The following AOC2 variants were observed in gnomAD, a reference collection of about 807,000 sequenced individuals.
The protein encoded by AOC2 is amine oxidase copper containing 2.
In AOC2, 57 loss-of-function variants were observed where a neutral mutation model predicts 53.8. That is an observed-to-expected ratio of 1.06 (90% confidence interval 0.86 to 1.32). AOC2 has a LOEUF of 1.32. AOC2 is among the 40% of genes most tolerant of loss of function. The pLI, the probability that AOC2 is intolerant of heterozygous loss-of-function variation, is 0.00. For missense variants in AOC2, 1,008 were observed against 957.2 expected, an observed-to-expected ratio of 1.05 and a Z score of -0.70; for synonymous variants, 404 against 399.0, an observed-to-expected ratio of 1.01 and a Z score of -0.15.
At chr17:42,846,739 G>T (rs1220119427) in intron 1 of AOC2, among the ~76,000 whole-genome samples, 3 of 152,140 alleles carry the variant, frequency 2.0e-5, no homozygotes, top group Admixed American at 2.0e-4. Context: ...TCATCGGGAG[G>T]GCCATCCCAT....
rs143262935 is a variant in AOC2 at position 42,849,238 on chromosome 17, C to T, written c.1741C>T (p.Arg581Cys). The change falls in exon 2 of 4, where the codon CGC (arginine) becomes TGC (cysteine). Residue 581 changes from arginine (R) to cysteine (C), a missense_variant. Coordinates refer to ENST00000253799, the MANE Select transcript of AOC2 (RefSeq NM_009590.4). ...TAFSLGSPLPRYLYLASNQTN... is the reference protein window; with the variant it reads ...TAFSLGSPLPCYLYLASNQTN... ...TTTTTCCTTGGGAAGCCCCCTACCC[C>T]GCTACCTCTACCTGGCTAGCAACCA... The T allele has an allele frequency of 2.7e-5, 43 of 1,614,218 alleles. No homozygotes were observed. In the South Asian group the frequency reaches 3.4e-4, roughly 13 times the overall value.
Position 42,850,330 on chromosome 17 carries a change from C to T in AOC2, c.2253C>T (p.Phe751=), listed in dbSNP as rs2055643937. ...CCTGTGTCCCGGACTTACCCCCTTT[C>T]TCTTACCACGGCTTCTAGTCCTGAG... The part of the protein sequence containing the change: ...LAACVPDLPP[F]SYHGF The change falls in exon 4 of 4, where the codon TTC becomes TTT. Residue 751 remains phenylalanine, a synonymous_variant. Transcript: ENST00000253799. 1 of 1,601,142 alleles carries T rather than the reference C, an allele frequency of 6.2e-7. No individual in the cohort carries two copies. The highest frequency in any genetic ancestry group is 8.6e-7 in the Non-Finnish European group (1 of 1,169,552).
intron 1 of AOC2, among the ~76,000 whole-genome samples, chr17:42,847,782 CTT>C (rs1213018759): frequency 2.0e-4 from 28 of 140,612 alleles, no homozygotes; most frequent in Non-Finnish European, 1.9e-4. Context: ...CCACGCCCAG[CTT>C]TTTTTTTTTT....
At position 42,845,836 on chromosome 17, in the gene AOC2, A is replaced by T; in HGVS notation, c.1210A>T (p.Met404Leu). Residue 404 changes from methionine to leucine, a missense_variant, in exon 1 of 4, where the codon ATG becomes TTG. Physicochemically the swap from Met to Leu is conservative, Grantham distance 15 (BLOSUM62 2). Coordinates refer to ENST00000253799, the MANE Select transcript of AOC2 (RefSeq NM_009590.4). ...AGTGGACTGCCCCTATCAAGCCACG[A>T]TGGTGGACATCCATATATTAGTGGG... The part of the protein sequence containing the change: ...RGVDCPYQAT[M>L]VDIHILVGKG... The T allele has an allele frequency of 1.2e-6, 2 of 1,614,118 alleles. No individual in the cohort carries two copies. Among genetic ancestry groups the T allele is most frequent in the South Asian group, 2.2e-5 (2 of 91,082 alleles).
Position 42,850,298 on chromosome 17 carries a change from C to T in AOC2, c.2221C>T (p.Leu741=). Residue 741 remains leucine (L), a synonymous_variant, in exon 4 of 4, where the codon CTG becomes TTG. Transcript: ENST00000253799. ...SINPVACLPD[L]AACVPDLPPF... ...CAATCCTGTGGCCTGCCTCCCCGAC[C>T]TGGCAGCCTGTGTCCCGGACTTACC... is the stretch of plus-strand genomic sequence containing the variant. 1.9e-6 allele frequency: 3 copies of T among 1,613,518 alleles called. No individual in the cohort carries two copies. The highest frequency in any genetic ancestry group is 2.5e-6 in the Non-Finnish European group (3 of 1,179,458).
intron 1 of AOC2, among the ~76,000 whole-genome samples, chr17:42,848,555 A>ATATATATG (rs2055618074): frequency 7.0e-6 from 1 of 142,002 alleles, no homozygotes; most frequent in African/African-American, 2.8e-5. Flanking sequence ...ACATATATAT[A>ATATATATG]TATATATATA....
rs1488012161 is a variant in AOC2 at position 42,845,006 on chromosome 17, G to A, written c.380G>A (p.Gly127Asp). The A allele has an allele frequency of 1.2e-6, 2 of 1,612,956 alleles. No homozygotes were observed. The highest frequency in any genetic ancestry group is 2.7e-5 in the African/African-American group (2 of 75,042). ...GAGGCACTGGCCATCGTCCTCTTTGGTGGACAACCCCAACCCAATGTGAGT... is the reference window on the plus strand; with the variant it reads ...GAGGCACTGGCCATCGTCCTCTTTGATGGACAACCCCAACCCAATGTGAGT... ...AREALAIVLFGGQPQPNVSEL... is the reference protein window; with the variant it reads ...AREALAIVLFDGQPQPNVSEL... Residue 127 changes from glycine to aspartate, a missense_variant, in exon 1 of 4, where the codon GGT becomes GAT. Transcript: ENST00000253799.
In AOC2 at chr17:42,849,155, A is replaced by G; in HGVS notation, c.1658A>G (p.His553Arg). 1 of 1,614,168 alleles carries G rather than the reference A, an allele frequency of 6.2e-7. No homozygotes were observed. Among genetic ancestry groups the G allele is most frequent in the Admixed American group, 1.7e-5 (1 of 60,018 alleles). ...KPVAAPWNPEHWLQRPQLTRQ... is the reference protein window; with the variant it reads ...KPVAAPWNPERWLQRPQLTRQ... The stretch of plus-strand genomic sequence containing the variant: ...GTGGCTGCCCCCTGGAACCCGGAGC[A>G]CTGGCTACAGCGCCCACAGCTGACT... The change falls in exon 2 of 4, where the codon CAC becomes CGC. Residue 553 changes from histidine to arginine, a missense_variant. Transcript: ENST00000253799.
chr17:42,845,791 A>G lies in AOC2; in HGVS notation c.1165A>G (p.Ser389Gly), dbSNP rs1470106457. The part of the protein sequence containing the change: ...LDSSFGLGRN[S>G]RGLVRGVDCP... ...TAGCAGCTTTGGACTCGGCCGTAAC[A>G]GCCGAGGCTTGGTGCGGGGAGTGGA... The change falls in exon 1 of 4, where the codon AGC (serine) becomes GGC (glycine). Residue 389 changes from serine to glycine, a missense_variant. Transcript: ENST00000253799. 8.1e-6 allele frequency: 13 copies of G among 1,614,062 alleles called. No individual in the cohort carries two copies. The highest frequency in any genetic ancestry group is 1.1e-5 in the Non-Finnish European group (13 of 1,180,044).
Position 42,844,671 on chromosome 17 carries a change from T to G in AOC2, c.45T>G (p.Ile15Met), listed in dbSNP as rs1567684238. 1 of 1,614,136 alleles carries G rather than the reference T, an allele frequency of 6.2e-7. No homozygotes were observed. The highest frequency in any genetic ancestry group is 8.5e-7 in the Non-Finnish European group (1 of 1,179,984). Residue 15 changes from isoleucine to methionine, a missense_variant, in exon 1 of 4, where the codon ATT becomes ATG. Coordinates refer to ENST00000253799, the MANE Select transcript of AOC2 (RefSeq NM_009590.4). ...IVLAFLALSL[I>M]TIFALAYVLL... is the part of the protein sequence containing the mutation. ...TGGCGTTCCTGGCACTGTCCCTCAT[T>G]ACCATCTTTGCCCTGGCCTATGTTT...
Position 42,849,219 on chromosome 17 carries a change from C to T in AOC2, c.1722C>T (p.Ser574=). ...GAAAGGAGGACCTGACAGCTTTTTC[C>T]TTGGGAAGCCCCCTACCCCGCTACC... ...VLGKEDLTAF[S]LGSPLPRYLY... is the part of the protein sequence containing the mutation. Residue 574 remains serine (S), a synonymous_variant, in exon 2 of 4, where the codon TCC becomes TCT. Coordinates refer to ENST00000253799, the MANE Select transcript of AOC2 (RefSeq NM_009590.4). 1 of 1,614,170 alleles carries T rather than the reference C, an allele frequency of 6.2e-7. No homozygotes were observed. The highest frequency in any genetic ancestry group is 8.5e-7 in the Non-Finnish European group (1 of 1,180,014).
chr17:42,849,824 T>G (rs903093753), intron 3 of AOC2, 94 bp downstream of exon 3: 7 of 1,563,300 alleles, frequency 4.5e-6, no homozygotes, highest in Non-Finnish European at 6.1e-6. Flanking sequence ...AATGGCTGAT[T>G]TCCAGTTCGC....
chr17:42,850,103 GCC>G lies in AOC2; in HGVS notation c.2027_2028del (p.Ala676GlufsTer29), dbSNP rs1172506883. ...LGEDLVAWVT[A>X]SFLHIPHAED... Reference sequence around the variant, plus strand: ...GCAGGATCTGGTGGCTTGGGTCACAGCCAGCTTCCTGCACATTCCCCATGCCG... The same window carrying G: ...GCAGGATCTGGTGGCTTGGGTCACAGAGCTTCCTGCACATTCCCCATGCCG... On this transcript the variant is annotated frameshift_variant, in exon 4 of 4. Transcript: ENST00000253799. LOFTEE classifies it high-confidence loss of function. The G allele has an allele frequency of 4.3e-6, 7 of 1,614,066 alleles. No individual in the cohort carries two copies. In the South Asian group the frequency reaches 7.7e-5, roughly 18 times the overall value.
Position 42,845,892 on chromosome 17 carries a change from T to C in AOC2, c.1266T>C (p.Ala422=). ...GKGAVQLLPG[A]VCVFEEAQGL... is the part of the protein sequence containing the mutation. ...GGGCAGTCCAGCTGCTTCCAGGGGCTGTGTGTGTATTTGAGGAAGCCCAGG... is the reference window on the plus strand; with the variant it reads ...GGGCAGTCCAGCTGCTTCCAGGGGCCGTGTGTGTATTTGAGGAAGCCCAGG... The change falls in exon 1 of 4, where the codon GCT becomes GCC. Residue 422 remains alanine, a synonymous_variant. Coordinates refer to ENST00000253799, the MANE Select transcript of AOC2 (RefSeq NM_009590.4). The C allele has an allele frequency of 6.2e-7, 1 of 1,614,048 alleles. No homozygotes were observed. The highest frequency in any genetic ancestry group is 8.5e-7 in the Non-Finnish European group (1 of 1,179,944).
In AOC2 at chr17:42,846,124, G is replaced by A. The variant is rs1293994736; in HGVS notation, c.1498G>A (p.Gly500Ser). 3 of 1,579,598 alleles carry A rather than the reference G, an allele frequency of 1.9e-6. No homozygotes were observed. In the African/African-American group the frequency reaches 4.1e-5, roughly 21 times the overall value. Residue 500 changes from glycine to serine, a missense_variant, in exon 1 of 4, where the codon GGC (glycine) becomes AGC (serine). Transcript: ENST00000253799. ...NTAFLKGGEE[G>S]LLFGNRVGER... ...AGCTTTCCTGAAAGGGGGAGAGGAG[G>A]GCCTCCTCTTTGGGAACCGTGTGGG...
chr17:42,850,048 T>A, intron 3 of AOC2, 34 bp from the exon 4 acceptor site: 1 of 1,603,654 alleles, frequency 6.2e-7, no homozygotes, highest in Non-Finnish European at 8.5e-7. Flanking sequence ...GGGTCACGCT[T>A]CCATAGTCCT....
At position 42,849,672 on chromosome 17, in the gene AOC2, T is replaced by A. The variant is rs2055632652; in HGVS notation, c.1946T>A (p.Ile649Asn). ...QSSSIYHQND[I>N]WTPTVTFADF... ...AGTAGCATCTATCACCAGAATGACA[T>A]CTGGACACCCACAGTTACCTTTGCT... is the stretch of plus-strand genomic sequence containing the variant. Residue 649 changes from isoleucine (I) to asparagine (N), a missense_variant, in exon 3 of 4, where the codon ATC (isoleucine) becomes AAC (asparagine). By Grantham distance (149) the Ile-to-Asn change is moderately radical. Coordinates refer to ENST00000253799, the MANE Select transcript of AOC2 (RefSeq NM_009590.4). The A allele has an allele frequency of 6.2e-7, 1 of 1,614,054 alleles. No individual in the cohort carries two copies. Among genetic ancestry groups the A allele is most frequent in the Non-Finnish European group, 8.5e-7 (1 of 1,180,026 alleles).
At chr17:42,847,138 C>T (rs1442535944) in intron 1 of AOC2, among the ~76,000 whole-genome samples, 1 of 152,230 alleles carries the variant, frequency 6.6e-6, no homozygotes, top group Non-Finnish European at 1.5e-5. Context: ...GTAGGAAGGA[C>T]TAATAGCATG....
chr17:42,846,339 C>G, intron 1 of AOC2, 125 bp downstream of exon 1: 1 of 1,078,874 alleles, frequency 9.3e-7, no homozygotes, highest in Non-Finnish European at 1.3e-6. Context: ...TCCAACACCA[C>G]AGCTCTAGTG....
Sources: allele counts gnomAD v4.1 joint callset (sites outside exome capture counted in the v4.1 genomes callset), GRCh38; gene constraint gnomAD v4.1.1; transcripts MANE v1.5; gene names NCBI Gene and HGNC (gene_info 2026-07-23, HGNC 2026-07-21).